The following CUX2 variants were observed in gnomAD, a reference collection of about 807,000 sequenced individuals.
CUX2 encodes homeobox protein cut-like 2.
Under a neutral mutation model 144.8 loss-of-function variants are expected in CUX2, and 40 were observed. The ratio of observed to expected loss-of-function variants is 0.28; its 90% CI spans 0.21 to 0.36. The LOEUF (loss-of-function observed/expected upper bound fraction) is 0.36, where lower values mean the gene tolerates loss of function less well. CUX2 is among the 10% of genes least tolerant of loss of function. The probability of loss-of-function intolerance (pLI) is 1.00; values close to 1 mark genes in which losing one functional copy is unlikely to be tolerated. For missense variants in CUX2, 1,615 were observed against 1,994.0 expected, an observed-to-expected ratio of 0.81 and a Z score of 3.62; for synonymous variants, 827 against 875.6, an observed-to-expected ratio of 0.94 and a Z score of 0.98.
intron 3 of CUX2, among the ~76,000 whole-genome samples, chr12:111,220,329 TC>T (rs1881778800): frequency 6.6e-6 from 1 of 152,140 alleles, no homozygotes; most frequent in Non-Finnish European, 1.5e-5. Context: ...TCTGCCACTT[TC>T]CTAACTAGGT....
intron 4 of CUX2, among the ~76,000 whole-genome samples, chr12:111,286,369 C>A (rs1230370211): frequency 6.6e-6 from 1 of 152,170 alleles, no homozygotes; most frequent in Non-Finnish European, 1.5e-5. Context: ...TGGCCAGTTG[C>A]AGTAAGAGCT....
intron 1 of CUX2, among the ~76,000 whole-genome samples, chr12:111,070,397 C>CTTCCTTCT (rs1871209022): frequency 1.6e-3 from 1 of 618 alleles, no homozygotes; most frequent in African/African-American, 2.8e-3. Context: ...TCCTTCTTTC[C>CTTCCTTCT]TTCCTTCCTT....
At chr12:111,314,792 C>T (rs547398841) in intron 16 of CUX2, among the ~76,000 whole-genome samples, 2 of 151,264 alleles carry the variant, frequency 1.3e-5, no homozygotes, top group Non-Finnish European at 2.9e-5. Context: ...TGTAGTGAGC[C>T]GAGATCTCAT....
At chr12:111,144,331 C>T (rs1876524244) in intron 1 of CUX2, among the ~76,000 whole-genome samples, 1 of 152,204 alleles carries the variant, frequency 6.6e-6, no homozygotes, top group Non-Finnish European at 1.5e-5. Context: ...ACCCACGCTG[C>T]CTTTTCCGGA....
At chr12:111,300,747 A>G (rs566203284) in intron 9 of CUX2, among the ~76,000 whole-genome samples, 115 of 152,338 alleles carry the variant, frequency 7.5e-4, no homozygotes, top group African/African-American at 2.6e-3. Flanking sequence ...ACTTTATAAG[A>G]ACAGGCAAGA....
chr12:111,131,305 C>G (rs1259844771), intron 1 of CUX2, among the ~76,000 whole-genome samples: 2 of 152,174 alleles, frequency 1.3e-5, no homozygotes, highest in African/African-American at 4.8e-5. Context: ...GAAAGACCAG[C>G]CCCTGTGATT....
intron 1 of CUX2, among the ~76,000 whole-genome samples, chr12:111,071,514 C>T (rs1046324350): frequency 6.6e-6 from 1 of 152,106 alleles, no homozygotes; most frequent in African/African-American, 2.4e-5. Flanking sequence ...TATAAAAGTC[C>T]TGTATCAGAT....
intron 1 of CUX2, among the ~76,000 whole-genome samples, chr12:111,128,135 C>A (rs1042223840): frequency 1.3e-5 from 2 of 152,292 alleles, no homozygotes; most frequent in East Asian, 1.9e-4. Flanking sequence ...AATTATGTTC[C>A]TTCCAAGTCC....
chr12:111,230,412 T>G (rs963193408), intron 3 of CUX2, among the ~76,000 whole-genome samples: 1 of 152,086 alleles, frequency 6.6e-6, no homozygotes, highest in African/African-American at 2.4e-5. Context: ...GGAAGTACCT[T>G]AGAAGTGCAG....
At chr12:111,111,925 C>T (rs1486343123) in intron 1 of CUX2, among the ~76,000 whole-genome samples, 1 of 152,210 alleles carries the variant, frequency 6.6e-6, no homozygotes, top group Non-Finnish European at 1.5e-5. Flanking sequence ...CACGGGGCTT[C>T]TCCTTTCTTT....
intron 16 of CUX2, among the ~76,000 whole-genome samples, chr12:111,313,710 G>A (rs1165304573): frequency 6.6e-6 from 1 of 152,044 alleles, no homozygotes; most frequent in African/African-American, 2.4e-5. Context: ...GATCAAATGA[G>A]GTCAGTGTAA....
chr12:111,058,585 G>C (rs1870632272), intron 1 of CUX2, among the ~76,000 whole-genome samples: 1 of 152,156 alleles, frequency 6.6e-6, no homozygotes, highest in African/African-American at 2.4e-5. Flanking sequence ...GACAGAGAGA[G>C]AGACAGAGAG....
At chr12:111,052,607 CTGTG>C (rs998384895) in intron 1 of CUX2, among the ~76,000 whole-genome samples, 1 of 151,900 alleles carries the variant, frequency 6.6e-6, no homozygotes, top group African/African-American at 2.4e-5. Context: ...TAGTGTGTTT[CTGTG>C]TGTGTGTCTT....
intron 9 of CUX2, among the ~76,000 whole-genome samples, chr12:111,301,815 C>T (rs1886309053): frequency 1.3e-5 from 2 of 152,238 alleles, no homozygotes. Context: ...TAAAACCCAG[C>T]TTTACTGTTC....
intron 1 of CUX2, among the ~76,000 whole-genome samples, chr12:111,041,982 G>A (rs1869768038): frequency 6.6e-6 from 1 of 152,142 alleles, no homozygotes; most frequent in Non-Finnish European, 1.5e-5. Flanking sequence ...GCTGTCCCCC[G>A]AAACCCCTCC....
intron 9 of CUX2, among the ~76,000 whole-genome samples, chr12:111,299,193 C>T (rs1886162690): frequency 6.6e-6 from 1 of 152,242 alleles, no homozygotes; most frequent in Non-Finnish European, 1.5e-5. Flanking sequence ...GGCTCATCTT[C>T]CTGCCTGTGG....
In CUX2 at chr12:111,286,783, C is replaced by T. The variant is rs1238771979; in HGVS notation, c.302-4635C>T. On this transcript the variant is annotated intron_variant, in intron 4 of 21. Coordinates refer to ENST00000261726, the MANE Select transcript of CUX2 (RefSeq NM_015267.4). The stretch of plus-strand genomic sequence containing the variant: ...ACTCGGGAGGCTAAGGCAGGAGAAT[C>T]GCTTGAACCCAGGAGGCAGAGGTTG... Among the ~76,000 whole-genome samples, 4 of 152,044 alleles carry T rather than the reference C, an allele frequency of 2.6e-5. No individual in the cohort carries two copies. The South Asian group carries it at 6.2e-4, about 24-fold the overall frequency.
At chr12:111,240,423 T>C (rs1269370044) in intron 3 of CUX2, among the ~76,000 whole-genome samples, 1 of 152,250 alleles carries the variant, frequency 6.6e-6, no homozygotes, top group Admixed American at 6.5e-5. Flanking sequence ...GCTTACCTTC[T>C]GGGTTCCCCC....
chr12:111,054,987 T>G (rs55893452), intron 1 of CUX2, among the ~76,000 whole-genome samples: 6,484 of 152,240 alleles, frequency 0.043, 419 homozygotes, highest in African/African-American at 0.15. Flanking sequence ...AAAGGTTAAG[T>G]GACTTGTGCA....
Sources: gnomAD v4.1 joint callset for allele counts (sites outside exome capture counted in the v4.1 genomes callset) on GRCh38, gnomAD v4.1.1 for gene constraint, MANE v1.5 for transcripts, NCBI Gene and HGNC (gene_info 2026-07-23, HGNC 2026-07-21) for gene names.